IGF1R: variants seen among roughly 807,000 people sequenced by gnomAD.
IGF1R encodes insulin like growth factor 1 receptor, also known as insulin-like growth factor 1 receptor.
A neutral mutation model predicts 144.6 loss-of-function variants in IGF1R; 44 were observed. That is an observed-to-expected ratio of 0.30 (90% confidence interval 0.24 to 0.39). IGF1R has a LOEUF of 0.39. IGF1R is among the 10% of genes least tolerant of loss of function. The pLI is 1.00. For synonymous variants in IGF1R, 795 were observed against 722.8 expected, an observed-to-expected ratio of 1.10 and a Z score of -1.60; for missense variants, 1,355 against 1,833.7, an observed-to-expected ratio of 0.74 and a Z score of 4.77.
intron 2 of IGF1R, among the ~76,000 whole-genome samples, chr15:98,713,906 A>C (rs966812681): frequency 2.0e-5 from 3 of 152,212 alleles, no homozygotes; most frequent in Admixed American, 2.0e-4. Context: ...GGGCTTTGCC[A>C]GGAAATCCAG....
intron 1 of IGF1R, among the ~76,000 whole-genome samples, chr15:98,657,867 T>C (rs1461542940): frequency 6.6e-6 from 1 of 152,210 alleles, no homozygotes; most frequent in Non-Finnish European, 1.5e-5. Flanking sequence ...CCTTTCGATC[T>C]CACTGAGTCA....
chr15:98,948,266 C>G (rs2079015357), intron 19 of IGF1R, among the ~76,000 whole-genome samples: 1 of 152,142 alleles, frequency 6.6e-6, no homozygotes, highest in Non-Finnish European at 1.5e-5. Flanking sequence ...GATGCTGAAC[C>G]CAGTATGCTC....
intron 2 of IGF1R, among the ~76,000 whole-genome samples, chr15:98,871,502 T>C (rs1436076598): frequency 6.6e-6 from 1 of 152,206 alleles, no homozygotes; most frequent in Non-Finnish European, 1.5e-5. Flanking sequence ...AGAGTTTTCA[T>C]CTAATCTGGG....
chr15:98,762,821 G>C (rs1165891760), intron 2 of IGF1R, among the ~76,000 whole-genome samples: 1 of 150,306 alleles, frequency 6.7e-6, no homozygotes, highest in African/African-American at 2.4e-5. Context: ...GCCGAGGCGG[G>C]CCGATCACAA....
At chr15:98,936,255 A>T (rs992271140) in intron 17 of IGF1R, among the ~76,000 whole-genome samples, 10 of 152,164 alleles carry the variant, frequency 6.6e-5, no homozygotes, top group African/African-American at 2.2e-4. Context: ...TTTCCTAAAA[A>T]TTTCACTTTG....
intron 2 of IGF1R, among the ~76,000 whole-genome samples, chr15:98,756,988 A>G (rs1363078917): frequency 6.6e-6 from 1 of 152,196 alleles, no homozygotes; most frequent in Non-Finnish European, 1.5e-5. Context: ...CTTGCATCCA[A>G]GTACATGATT....
rs1044363595 is a variant in IGF1R, at chr15:98,916,550, C to G, written c.1997-122C>G. ...GTGCTGGGATTATAGCCTTGAGCCA[C>G]CACATCTGGCCGAGACCAGCTATCT... On this transcript the variant is annotated intron_variant, in intron 9 of 20. Transcript: ENST00000650285. 1.4e-5 allele frequency: 13 copies of G among 915,904 alleles called. 1 individual carries two copies. The African/African-American group carries it at 2.0e-4, about 14-fold the overall frequency. 56.7% of individuals were successfully genotyped at this position (915,904 alleles called of 1,614,324 possible).
At chr15:98,768,850 C>T (rs992679308) in intron 2 of IGF1R, among the ~76,000 whole-genome samples, 1 of 151,118 alleles carries the variant, frequency 6.6e-6, no homozygotes, top group Non-Finnish European at 1.5e-5. Flanking sequence ...ATGGCGTGAG[C>T]CCAGGAGGCG....
At chr15:98,766,510 A>G (rs915432384) in intron 2 of IGF1R, among the ~76,000 whole-genome samples, 4 of 152,350 alleles carry the variant, frequency 2.6e-5, no homozygotes, top group African/African-American at 9.6e-5. Flanking sequence ...TTTATACTGC[A>G]AGGGTCATCC....
Position 98,707,456 on chromosome 15 carries a change from T to G in IGF1R, c.95-106T>G. On this transcript the variant is annotated intron_variant, in intron 1 of 20. Coordinates refer to ENST00000650285, the MANE Select transcript of IGF1R (RefSeq NM_000875.5). The surrounding 1 kb of genome is among the most constrained non-coding windows in gnomAD (Gnocchi z 6.7). ...AGTGAACAATTGAACCTCATTTCTTTAATAATAATACAGGATTCCTGAAAA... is the reference window on the plus strand; with the variant it reads ...AGTGAACAATTGAACCTCATTTCTTGAATAATAATACAGGATTCCTGAAAA... 1 of 1,164,460 alleles carries G rather than the reference T, an allele frequency of 8.6e-7. No individual in the cohort carries two copies. The highest frequency in any genetic ancestry group is 1.3e-6 in the Non-Finnish European group (1 of 797,896). 72.1% of individuals were successfully genotyped at this position (1,164,460 alleles called of 1,614,324 possible). A position where few individuals can be genotyped will look rare whatever the true frequency, so the allele number is the denominator to read the frequency against.
intron 2 of IGF1R, among the ~76,000 whole-genome samples, chr15:98,869,452 T>TC (rs1555454968): frequency 5.4e-4 from 81 of 151,264 alleles, no homozygotes; most frequent in African/African-American, 1.8e-3. Flanking sequence ...TTTTTTTTTT[T>TC]AGACGGCGTT....
intron 2 of IGF1R, among the ~76,000 whole-genome samples, chr15:98,747,868 TACTG>T (rs60705489): frequency 0.026 from 3,986 of 152,268 alleles, 158 homozygotes; most frequent in African/African-American, 0.091. Flanking sequence ...TAAAAATACT[TACTG>T]ACGCTTAAAA....
intron 10 of IGF1R, 101 bp downstream of exon 10, chr15:98,916,977 G>T: frequency 2.0e-6 from 2 of 997,284 alleles, no homozygotes; most frequent in Non-Finnish European, 3.2e-6. Flanking sequence ...GCAGCTGGGG[G>T]GTACAATACA....
chr15:98,897,029 A>G (rs561625034), intron 4 of IGF1R, 124 bp downstream of exon 4: 36 of 853,036 alleles, frequency 4.2e-5, no homozygotes, highest in Non-Finnish European at 6.7e-5. Flanking sequence ...ATGGTGTGTA[A>G]GCCTCACGCA....
rs1567227665 is a variant in IGF1R, at chr15:98,960,909, C to CG, written c.*3467_*3468insG. On this transcript the variant is annotated 3_prime_UTR_variant, in exon 21 of 21. Transcript: ENST00000650285. ...CGCCGAGGCTCGTGGCGTCACGCCC[C>CG]CCCCGCCAGGGCTGTACCTCCGTCT... 8.5e-6 allele frequency: 2 copies of CG among 234,126 alleles called. No homozygotes were observed. Among genetic ancestry groups the CG allele is most frequent in the South Asian group, 1.8e-4 (1 of 5,538 alleles). 14.5% of individuals were successfully genotyped at this position (234,126 alleles called of 1,614,324 possible).
chr15:98,656,357 C>G (rs2052484277), intron 1 of IGF1R, among the ~76,000 whole-genome samples: 2 of 152,202 alleles, frequency 1.3e-5, no homozygotes, highest in South Asian at 2.1e-4. Flanking sequence ...CAAGACCAGC[C>G]TGGCCAACAT....
intron 2 of IGF1R, among the ~76,000 whole-genome samples, chr15:98,872,989 T>C (rs1391694463): frequency 6.6e-6 from 1 of 152,198 alleles, no homozygotes; most frequent in Non-Finnish European, 1.5e-5. Context: ...TTTTGTTTGC[T>C]TTTTAATATA....
intron 5 of IGF1R, among the ~76,000 whole-genome samples, chr15:98,906,357 A>G (rs1369573990): frequency 6.6e-6 from 1 of 152,232 alleles, no homozygotes; most frequent in Non-Finnish European, 1.5e-5. Context: ...TTTCTTCATC[A>G]ACAAGGAGAT....
At chr15:98,888,034 G>A (rs569390202) in intron 2 of IGF1R, among the ~76,000 whole-genome samples, 51 of 152,300 alleles carry the variant, frequency 3.3e-4, no homozygotes, top group African/African-American at 1.1e-3. Flanking sequence ...CAGTGACCTC[G>A]TTGCTTTTAC....
Sources: allele counts gnomAD v4.1 joint callset (sites outside exome capture counted in the v4.1 genomes callset), GRCh38; gene constraint gnomAD v4.1.1; non-coding constraint Gnocchi (gnomAD v3.1); transcripts MANE v1.5; gene names NCBI Gene and HGNC (gene_info 2026-07-23, HGNC 2026-07-21).